The following DPYSL5 variants were observed in gnomAD, a reference collection of about 807,000 sequenced individuals.
The protein encoded by DPYSL5 is dihydropyrimidinase like 5.
A neutral mutation model predicts 58.4 loss-of-function variants in DPYSL5; 9 were observed. The observed-to-expected ratio is 0.15, with a 90% CI of 0.09 to 0.27. The LOEUF (loss-of-function observed/expected upper bound fraction) is 0.27. Ranked by LOEUF, DPYSL5 falls within the 10% of genes least tolerant of loss-of-function variation. The pLI is 1.00. For synonymous variants in DPYSL5, 293 were observed against 301.9 expected, an observed-to-expected ratio of 0.97 and a Z score of 0.31; for missense variants, 499 against 770.6, an observed-to-expected ratio of 0.65 and a Z score of 4.17.
chr2:26,919,444 G>A (rs375768046), intron 2 of DPYSL5, among the ~76,000 whole-genome samples: 12 of 152,208 alleles, frequency 7.9e-5, no homozygotes, highest in African/African-American at 2.4e-4. Flanking sequence ...AAATAATAGC[G>A]ACACTTTGAA....
Position 26,942,534 on chromosome 2 carries a change from C to G in DPYSL5, c.1233-9C>G. 6.2e-7 allele frequency: 1 copy of G among 1,612,708 alleles called. No individual in the cohort carries two copies. The highest frequency in any genetic ancestry group is 8.5e-7 in the Non-Finnish European group (1 of 1,179,270). On this transcript the variant is annotated splice_polypyrimidine_tract_variant and intron_variant, in intron 10 of 12. Transcript: ENST00000288699. The surrounding 1 kb of genome is among the most constrained non-coding windows in gnomAD (Gnocchi z 5.9). ...AGCGCTTTCTCTCCCGCCATTGCCT[C>G]CCCACCAGGACCATCTCAGCCAGCA... is the stretch of plus-strand genomic sequence containing the variant.
At chr2:26,861,350 C>T (rs1666008944) in intron 1 of DPYSL5, among the ~76,000 whole-genome samples, 2 of 152,166 alleles carry the variant, frequency 1.3e-5, no homozygotes. Context: ...ACTAACTGGG[C>T]ATTGTGAACC....
intron 1 of DPYSL5, among the ~76,000 whole-genome samples, chr2:26,866,054 C>T (rs992679418): frequency 1.3e-5 from 2 of 152,140 alleles, no homozygotes; most frequent in Admixed American, 6.5e-5. Context: ...AGGATAAATG[C>T]CCTGTGAACA....
chr2:26,883,818 T>G (rs1426549752), intron 1 of DPYSL5, among the ~76,000 whole-genome samples: 2 of 152,176 alleles, frequency 1.3e-5, no homozygotes, highest in Non-Finnish European at 2.9e-5. Context: ...AGTTTTATAT[T>G]CTCATTCAAT....
chr2:26,885,215 T>TAAAA (rs199980878), intron 1 of DPYSL5, among the ~76,000 whole-genome samples: 1 of 150,448 alleles, frequency 6.6e-6, no homozygotes, highest in Non-Finnish European at 1.5e-5. Flanking sequence ...CAAAACAAAA[T>TAAAA]AAAAAAAAAC....
In DPYSL5 at chr2:26,908,698, A is replaced by G. The variant is rs116723315; in HGVS notation, c.261+9938A>G. The stretch of plus-strand genomic sequence containing the variant: ...ACCTTTGATTCAGAATAAAATAAAT[A>G]CACCCTCTGTGATTGAGGCCAAGTG... On this transcript the variant is annotated intron_variant, in intron 2 of 12. Transcript: ENST00000288699. Among the ~76,000 whole-genome samples the G allele has an allele frequency of 4.6e-3, 694 of 152,346 alleles. 3 individuals carry two copies. Among genetic ancestry groups the G allele is most frequent in the Non-Finnish European group, 7.6e-3 (517 of 68,040 alleles).
chr2:26,933,626 A>G lies in DPYSL5; in HGVS notation c.790+293A>G, dbSNP rs1399152482. Among the ~76,000 whole-genome samples, 1 of 152,200 alleles carries G rather than the reference A, an allele frequency of 6.6e-6. No homozygotes were observed. Among genetic ancestry groups the G allele is most frequent in the Non-Finnish European group, 1.5e-5 (1 of 68,032 alleles). On this transcript the variant is annotated intron_variant, in intron 7 of 12. Transcript: ENST00000288699. This position sits in a 1 kb window ranked among gnomAD's most constrained non-coding sequence, Gnocchi z 4.2. Reference sequence around the variant, plus strand: ...TTCCAAGTTTTAAACCCACTCATTAATTAGTGTCTTTTTGGCCTCATAGAT... The same window carrying G: ...TTCCAAGTTTTAAACCCACTCATTAGTTAGTGTCTTTTTGGCCTCATAGAT...
intron 5 of DPYSL5, among the ~76,000 whole-genome samples, chr2:26,931,203 G>GTGTATGTATATATATATATATA (rs1474347605): frequency 2.2e-5 from 1 of 44,910 alleles, no homozygotes; most frequent in African/African-American, 8.1e-5. Context: ...GTGTGTGTGT[G>GTGTATGTATATATATATATATA]TATATATATA....
Position 26,933,323 on chromosome 2 carries a change from T to G in DPYSL5, c.780T>G (p.Ala260=). The change falls in exon 7 of 13, where the codon GCT becomes GCG. Residue 260 remains alanine, a synonymous_variant. Transcript: ENST00000288699. The surrounding 1 kb of genome is among the most constrained non-coding windows in gnomAD (Gnocchi z 4.2). ...CGGCTGGTGACGTTATCGCAGCTGC[T>G]AAGATGCAAGGTGAGTCCATAGACT... ...SISAGDVIAA[A]KMQGKVVLAE... 6.2e-7 allele frequency: 1 copy of G among 1,613,900 alleles called. No homozygotes were observed. The highest frequency in any genetic ancestry group is 2.2e-5 in the East Asian group (1 of 44,862).
chr2:26,897,571 C>T (rs1374745530), intron 1 of DPYSL5, among the ~76,000 whole-genome samples: 1 of 152,046 alleles, frequency 6.6e-6, no homozygotes, highest in Non-Finnish European at 1.5e-5. Flanking sequence ...AATATTTTGT[C>T]AAGAATTTTT....
At position 26,940,137 on chromosome 2, in the gene DPYSL5, C is replaced by G. The variant is rs1241226159; in HGVS notation, c.1054C>G (p.Gln352Glu). ...GATCCCACATGGAGTGAGTGGCGTG[C>G]AGGACCGCATGAGCGTCATCTGGGA... ...TKIPHGVSGV[Q>E]DRMSVIWERG... The change falls in exon 9 of 13, where the codon CAG (glutamine) becomes GAG (glutamate). Residue 352 changes from glutamine (Q) to glutamate (E), a missense_variant. Transcript: ENST00000288699. The G allele has an allele frequency of 1.2e-6, 2 of 1,614,160 alleles. No individual in the cohort carries two copies. The highest frequency in any genetic ancestry group is 1.7e-6 in the Non-Finnish European group (2 of 1,180,032).
intron 1 of DPYSL5, among the ~76,000 whole-genome samples, chr2:26,864,118 G>A (rs1246294763): frequency 2.0e-5 from 3 of 152,128 alleles, no homozygotes; most frequent in Admixed American, 2.0e-4. Flanking sequence ...AGTGGTGCGC[G>A]CCTGTAGTCC....
chr2:26,943,829 G>A (rs1259566928), intron 11 of DPYSL5, among the ~76,000 whole-genome samples: 1 of 152,230 alleles, frequency 6.6e-6, no homozygotes, highest in Non-Finnish European at 1.5e-5. Context: ...TAACTCTACT[G>A]CCTTTGTGAG....
In DPYSL5 at chr2:26,855,412, G is replaced by C. The variant is rs767111915; in HGVS notation, c.-5+7158G>C. 7.2e-5 allele frequency among the ~76,000 whole-genome samples: 11 copies of C among 152,054 alleles called. No homozygotes were observed. The East Asian group carries it at 2.1e-3, about 30-fold the overall frequency. On this transcript the variant is annotated intron_variant, in intron 1 of 12. Transcript: ENST00000288699. Reference sequence around the variant, plus strand: ...GCACTGCACTCCAGCCTGGGTGACAGAGCCAGACTCCATCTCAAAAAAAAA... The same window carrying C: ...GCACTGCACTCCAGCCTGGGTGACACAGCCAGACTCCATCTCAAAAAAAAA...
chr2:26,881,223 C>T (rs1048804693), intron 1 of DPYSL5, among the ~76,000 whole-genome samples: 1 of 152,284 alleles, frequency 6.6e-6, no homozygotes, highest in Non-Finnish European at 1.5e-5. Context: ...CTCACTCACT[C>T]CCATTCATTT....
At chr2:26,919,236 A>G (rs905269884) in intron 2 of DPYSL5, among the ~76,000 whole-genome samples, 1 of 152,166 alleles carries the variant, frequency 6.6e-6, no homozygotes, top group Admixed American at 6.5e-5. Context: ...GGTCTGATGA[A>G]CTTCTGAAGT....
At chr2:26,921,115 T>C (rs1267238250) in intron 2 of DPYSL5, among the ~76,000 whole-genome samples, 1 of 152,168 alleles carries the variant, frequency 6.6e-6, no homozygotes, top group Non-Finnish European at 1.5e-5. Flanking sequence ...GGCTGTCCTG[T>C]GTCACATGCT....
Position 26,865,312 on chromosome 2 carries a change from CTTTTTTTT to C in DPYSL5, c.-5+17077_-5+17084del, listed in dbSNP as rs1192892146. Among the ~76,000 whole-genome samples the C allele has an allele frequency of 1.5e-4, 13 of 89,576 alleles. No homozygotes were observed. In the East Asian group the frequency reaches 4.7e-3, roughly 32 times the overall value. 58.8% of individuals were successfully genotyped at this position (89,576 alleles called of 152,430 possible). A position where few individuals can be genotyped will look rare whatever the true frequency, so the allele number is the denominator to read the frequency against. On this transcript the variant is annotated intron_variant, in intron 1 of 12. Transcript: ENST00000288699. ...AGATGTGGAGATAGGGTTTTGTGTT[CTTTTTTTT>C]TTTTTTTTTTTTTTTTTTAAGACGA...
intron 2 of DPYSL5, among the ~76,000 whole-genome samples, chr2:26,912,770 T>G (rs938772316): frequency 2.0e-5 from 3 of 152,244 alleles, no homozygotes; most frequent in African/African-American, 7.2e-5. Context: ...AGCCTGGAGC[T>G]CCTCATTTCA....
Sources: allele counts gnomAD v4.1 joint callset (sites outside exome capture counted in the v4.1 genomes callset), GRCh38; gene constraint gnomAD v4.1.1; non-coding constraint Gnocchi (gnomAD v3.1); transcripts MANE v1.5; gene names NCBI Gene and HGNC (gene_info 2026-07-23, HGNC 2026-07-21).